VWC2L: variants seen among roughly 807,000 people sequenced by gnomAD.
The protein encoded by VWC2L is von Willebrand factor C domain-containing protein 2-like.
In VWC2L, 10 loss-of-function variants were observed where a neutral mutation model predicts 21.6. The ratio of observed to expected loss-of-function variants is 0.46; its 90% CI spans 0.29 to 0.78. The LOEUF (loss-of-function observed/expected upper bound fraction) is 0.78, where lower values mean the gene tolerates loss of function less well. Ranked by LOEUF, VWC2L falls within the 30% of genes least tolerant of loss-of-function variation. VWC2L has a pLI of 0.10. For synonymous variants in VWC2L, 96 were observed against 94.3 expected (o/e 1.02, Z -0.10); for missense variants, 209 against 277.1 (o/e 0.75, Z 1.74).
Position 214,575,908 on chromosome 2 carries a change from A to C in VWC2L, c.*88A>C. 7.0e-7 allele frequency: 1 copy of C among 1,431,154 alleles called. No individual in the cohort carries two copies. Among genetic ancestry groups the C allele is most frequent in the East Asian group, 2.4e-5 (1 of 41,828 alleles). 88.7% of individuals were successfully genotyped at this position (1,431,154 alleles called of 1,614,324 possible). ...GTTTAACACAAAACAAAACAAACAA[A>C]CTCCTGCCAGCTACAACAGGGTCAC... is the stretch of plus-strand genomic sequence containing the variant. On this transcript the variant is annotated 3_prime_UTR_variant, in exon 4 of 4. Transcript: ENST00000312504.
intron 3 of VWC2L, among the ~76,000 whole-genome samples, chr2:214,452,906 A>G (rs1282144864): frequency 6.6e-6 from 1 of 152,134 alleles, no homozygotes; most frequent in African/African-American, 2.4e-5. Context: ...GTCTGTTCAA[A>G]TCATTTGCTC....
At chr2:214,552,236 G>T (rs1408074146) in intron 3 of VWC2L, among the ~76,000 whole-genome samples, 6 of 152,172 alleles carry the variant, frequency 3.9e-5, no homozygotes, top group Non-Finnish European at 8.8e-5. Context: ...TAAACACATG[G>T]CCCTGATCTT....
chr2:214,502,524 C>T (rs1688909253), intron 3 of VWC2L, among the ~76,000 whole-genome samples: 4 of 152,074 alleles, frequency 2.6e-5, no homozygotes, highest in African/African-American at 7.2e-5. Context: ...GAGCCGAGAT[C>T]GTGCCACTGC....
At chr2:214,571,847 C>G (rs1690154565) in intron 3 of VWC2L, among the ~76,000 whole-genome samples, 1 of 152,164 alleles carries the variant, frequency 6.6e-6, no homozygotes, top group Non-Finnish European at 1.5e-5. Context: ...AGTGCACTGA[C>G]ACAACCTTAG....
At chr2:214,565,728 G>C (rs771662572) in intron 3 of VWC2L, among the ~76,000 whole-genome samples, 1 of 152,106 alleles carries the variant, frequency 6.6e-6, no homozygotes, top group Non-Finnish European at 1.5e-5. Context: ...ATCATAAATA[G>C]CAACAACTTA....
At chr2:214,442,226 A>T (rs1425081280) in intron 3 of VWC2L, among the ~76,000 whole-genome samples, 1 of 152,198 alleles carries the variant, frequency 6.6e-6, no homozygotes, top group African/African-American at 2.4e-5. Context: ...ATATCATTTT[A>T]AATAGATATT....
chr2:214,453,966 C>G (rs1011179331), intron 3 of VWC2L, among the ~76,000 whole-genome samples: 2 of 152,094 alleles, frequency 1.3e-5, no homozygotes, highest in African/African-American at 2.4e-5. Flanking sequence ...GGCAGTCCAC[C>G]CGCCTCTGCC....
At chr2:214,452,176 G>A (rs939113707) in intron 3 of VWC2L, among the ~76,000 whole-genome samples, 1 of 152,160 alleles carries the variant, frequency 6.6e-6, no homozygotes, top group East Asian at 1.9e-4. Context: ...TTGTGTGCAT[G>A]GCAGGGTCTA....
intron 3 of VWC2L, among the ~76,000 whole-genome samples, chr2:214,475,100 C>T (rs1401899391): frequency 6.6e-6 from 1 of 152,174 alleles, no homozygotes; most frequent in African/African-American, 2.4e-5. Context: ...TCCTGACCTC[C>T]AGAGCCCTTC....
In VWC2L at chr2:214,500,665, A is replaced by C. The variant is rs114355594; in HGVS notation, c.520+63907A>C. Among the ~76,000 whole-genome samples, 1,259 of 152,338 alleles carry C rather than the reference A, an allele frequency of 8.3e-3. 11 individuals are homozygous for C. The highest frequency in any genetic ancestry group is 0.024 in the Middle Eastern group (7 of 294). On this transcript the variant is annotated intron_variant, in intron 3 of 3. Coordinates refer to ENST00000312504, the MANE Select transcript of VWC2L (RefSeq NM_001080500.4). ...GGCCTTATGGCCCCTTTATCTGCAA[A>C]AAAGGCTAGAAAATGTATTTTTACC... is the stretch of plus-strand genomic sequence containing the variant.
At chr2:214,572,916 C>T (rs970343664) in intron 3 of VWC2L, among the ~76,000 whole-genome samples, 9 of 152,066 alleles carry the variant, frequency 5.9e-5, no homozygotes, top group East Asian at 1.9e-4. Context: ...AGGCCTGGCA[C>T]GTGCAAAGAT....
intron 3 of VWC2L, among the ~76,000 whole-genome samples, chr2:214,545,140 C>A (rs994823473): frequency 6.6e-6 from 1 of 151,600 alleles, no homozygotes; most frequent in Non-Finnish European, 1.5e-5. Context: ...TATAAAACTT[C>A]GAAGGATTAT....
At chr2:214,572,292 ATTCT>A (rs1285311504) in intron 3 of VWC2L, among the ~76,000 whole-genome samples, 3 of 152,168 alleles carry the variant, frequency 2.0e-5, no homozygotes, top group African/African-American at 7.2e-5. Context: ...ATAAGCCTTC[ATTCT>A]TTGAGAGTTA....
chr2:214,552,822 C>T (rs1189815257), intron 3 of VWC2L, among the ~76,000 whole-genome samples: 1 of 152,174 alleles, frequency 6.6e-6, no homozygotes, highest in Non-Finnish European at 1.5e-5. Flanking sequence ...GATCTCAACC[C>T]TCATATTCGA....
intron 3 of VWC2L, among the ~76,000 whole-genome samples, chr2:214,483,746 A>G (rs941702449): frequency 7.2e-5 from 11 of 152,258 alleles, no homozygotes; most frequent in African/African-American, 2.4e-4. Flanking sequence ...TTTGAGAATG[A>G]GACTCTTAAC....
At chr2:214,464,940 T>C (rs1252136116) in intron 3 of VWC2L, among the ~76,000 whole-genome samples, 1 of 152,184 alleles carries the variant, frequency 6.6e-6, no homozygotes, top group African/African-American at 2.4e-5. Flanking sequence ...TGACAATTAC[T>C]GTCTGGCTAC....
At chr2:214,426,171 CAAAAAAAAAA>C (rs34411661) in intron 2 of VWC2L, among the ~76,000 whole-genome samples, 1 of 69,952 alleles carries the variant, frequency 1.4e-5, no homozygotes, top group Non-Finnish European at 3.0e-5. Flanking sequence ...GGCTTCGTCT[CAAAAAAAAAA>C]AAAAAAAAAA....
rs1029920092 is a variant in VWC2L, at chr2:214,530,157, A to T, written c.521-45515A>T. Among the ~76,000 whole-genome samples the T allele has an allele frequency of 2.6e-5, 4 of 152,186 alleles. 1 individual carries two copies. In the South Asian group the frequency reaches 8.3e-4, roughly 32 times the overall value. ...CATTTCCTTGGCAAAGTACTTTTTA[A>T]AATGAGTTTGTGCCAAGTGGGGCTC... On this transcript the variant is annotated intron_variant, in intron 3 of 3. Transcript: ENST00000312504.
intron 3 of VWC2L, among the ~76,000 whole-genome samples, chr2:214,485,181 A>G (rs1327325658): frequency 1.3e-5 from 2 of 152,146 alleles, no homozygotes; most frequent in Non-Finnish European, 2.9e-5. Flanking sequence ...TTAGCTGGGC[A>G]TGGTGGTGCA....
Sources: allele counts gnomAD v4.1 joint callset (sites outside exome capture counted in the v4.1 genomes callset), GRCh38; gene constraint gnomAD v4.1.1; transcripts MANE v1.5; gene names NCBI Gene and HGNC (gene_info 2026-07-23, HGNC 2026-07-21).